The following FBXL7 variants were observed in gnomAD, a reference collection of about 807,000 sequenced individuals.
FBXL7 encodes F-box and leucine rich repeat protein 7.
In FBXL7, 12 loss-of-function variants were observed where a neutral mutation model predicts 38.3. That is an observed-to-expected ratio of 0.31 (90% CI 0.20 to 0.51). The LOEUF is 0.51. Among genes scored for constraint, FBXL7 ranks in the 20% least tolerant of loss-of-function variants. The probability of loss-of-function intolerance (pLI) is 0.98; values close to 1 mark genes in which losing one functional copy is unlikely to be tolerated. For synonymous variants in FBXL7, 297 were observed against 300.9 expected (o/e 0.99, Z 0.13); for missense variants, 567 against 676.4 (o/e 0.84, Z 1.79).
intron 2 of FBXL7, among the ~76,000 whole-genome samples, chr5:15,758,173 T>A (rs1561114840): frequency 6.6e-6 from 1 of 152,098 alleles, no homozygotes; most frequent in Non-Finnish European, 1.5e-5. Flanking sequence ...AATCGCCTCA[T>A]ATCTTACTAA....
chr5:15,931,955 A>T (rs1742048389), intron 3 of FBXL7, among the ~76,000 whole-genome samples: 1 of 152,192 alleles, frequency 6.6e-6, no homozygotes, highest in Non-Finnish European at 1.5e-5. Flanking sequence ...TTGGGTACAG[A>T]AAGCTAGAGC....
chr5:15,530,827 G>C (rs1057283590), intron 1 of FBXL7, among the ~76,000 whole-genome samples: 1 of 152,220 alleles, frequency 6.6e-6, no homozygotes, highest in South Asian at 2.1e-4. Context: ...TTTGGGGCCA[G>C]CTGGGGAAGC....
At chr5:15,591,480 T>G (rs1454329082) in intron 1 of FBXL7, among the ~76,000 whole-genome samples, 2 of 150,226 alleles carry the variant, frequency 1.3e-5, no homozygotes, top group Non-Finnish European at 1.5e-5. Flanking sequence ...GGCATTCAAG[T>G]AGAAATTGCA....
At chr5:15,883,472 G>T (rs573467813) in intron 2 of FBXL7, among the ~76,000 whole-genome samples, 1 of 152,228 alleles carries the variant, frequency 6.6e-6, no homozygotes, top group East Asian at 1.9e-4. Context: ...CTCATCACAA[G>T]TTTTATGCAT....
At chr5:15,507,806 G>A (rs1244971133) in intron 1 of FBXL7, among the ~76,000 whole-genome samples, 4 of 152,158 alleles carry the variant, frequency 2.6e-5, no homozygotes, top group Non-Finnish European at 5.9e-5. Flanking sequence ...CACTTTGGGA[G>A]GTTGAGGCAG....
chr5:15,507,665 G>C (rs906925731), intron 1 of FBXL7, among the ~76,000 whole-genome samples: 2 of 152,268 alleles, frequency 1.3e-5, no homozygotes, highest in Non-Finnish European at 2.9e-5. Flanking sequence ...TAAATTTCTT[G>C]AATGGATGAA....
chr5:15,748,316 T>C (rs16867675), intron 2 of FBXL7, among the ~76,000 whole-genome samples: 1,686 of 152,336 alleles, frequency 0.011, 30 homozygotes, highest in South Asian at 0.041. Context: ...TCCATGCTAA[T>C]GTTTCTCACC....
chr5:15,705,926 T>C lies in FBXL7; in HGVS notation c.127+89854T>C, dbSNP rs184911262. Reference sequence around the variant, plus strand: ...AAAAATGGAACATTGAAATAAAGAATAATAGTATTATACTAGAAAGGGTGA... The same window carrying C: ...AAAAATGGAACATTGAAATAAAGAACAATAGTATTATACTAGAAAGGGTGA... On this transcript the variant is annotated intron_variant, in intron 2 of 3. Coordinates refer to ENST00000504595, the MANE Select transcript of FBXL7 (RefSeq NM_012304.5). Among the ~76,000 whole-genome samples, 66 of 152,228 alleles carry C rather than the reference T, an allele frequency of 4.3e-4. 1 individual carries two copies. Among genetic ancestry groups the C allele is most frequent in the African/African-American group, 1.5e-3 (63 of 41,536 alleles).
Position 15,890,645 on chromosome 5 carries a change from G to T in FBXL7, c.128-37245G>T, listed in dbSNP as rs114108999. On this transcript the variant is annotated intron_variant, in intron 2 of 3. Coordinates refer to ENST00000504595, the MANE Select transcript of FBXL7 (RefSeq NM_012304.5). ...ACTCTAATTCCTGATGATCTGAGAT[G>T]GAAAAGTTTCATCCTGAAACCATCC... Among the ~76,000 whole-genome samples the T allele has an allele frequency of 7.2e-3, 1,098 of 152,208 alleles. 10 individuals carry two copies. Among genetic ancestry groups the T allele is most frequent in the African/African-American group, 0.024 (1,005 of 41,514 alleles).
chr5:15,868,835 C>T (rs1739829466), intron 2 of FBXL7, among the ~76,000 whole-genome samples: 3 of 152,202 alleles, frequency 2.0e-5, no homozygotes, highest in Admixed American at 2.0e-4. Context: ...AACCTCATCA[C>T]ATTCTAGTTC....
intron 2 of FBXL7, among the ~76,000 whole-genome samples, chr5:15,758,972 T>C (rs773318686): frequency 1.3e-5 from 2 of 152,184 alleles, no homozygotes; most frequent in Non-Finnish European, 2.9e-5. Context: ...AATACATGTC[T>C]TTAGAATAGC....
At chr5:15,854,883 C>CA (rs749107781) in intron 2 of FBXL7, among the ~76,000 whole-genome samples, 34 of 151,408 alleles carry the variant, frequency 2.2e-4, no homozygotes, top group Middle Eastern at 3.4e-3. Flanking sequence ...TCAGTCAAAC[C>CA]AAAAAAAACA....
At chr5:15,756,300 CA>C (rs1336350464) in intron 2 of FBXL7, among the ~76,000 whole-genome samples, 1 of 152,042 alleles carries the variant, frequency 6.6e-6, no homozygotes, top group African/African-American at 2.4e-5. Flanking sequence ...AGCAAAAAAG[CA>C]GCTAAGAAAA....
chr5:15,890,137 C>T (rs1475184132), intron 2 of FBXL7, among the ~76,000 whole-genome samples: 2 of 152,098 alleles, frequency 1.3e-5, no homozygotes, highest in African/African-American at 4.8e-5. Flanking sequence ...CAGACCACTA[C>T]CGGTCTGTGG....
intron 2 of FBXL7, among the ~76,000 whole-genome samples, chr5:15,818,743 T>TGTGTGTGA (rs1394101097): frequency 0.013 from 511 of 39,522 alleles, 2 homozygotes; most frequent in Non-Finnish European, 0.029. Context: ...TGTGTGTGTG[T>TGTGTGTGA]GAGAGAGAGA....
intron 1 of FBXL7, among the ~76,000 whole-genome samples, chr5:15,554,404 C>T (rs901445577): frequency 4.6e-5 from 7 of 152,210 alleles, no homozygotes; most frequent in African/African-American, 1.2e-4. Context: ...TAACTACCAA[C>T]TGTAAACACT....
chr5:15,802,000 G>A (rs764496961), intron 2 of FBXL7, among the ~76,000 whole-genome samples: 8 of 151,998 alleles, frequency 5.3e-5, no homozygotes, highest in Non-Finnish European at 8.8e-5. Context: ...GCTCACCTCA[G>A]TAGAACAAAG....
At chr5:15,504,754 A>G (rs1479636739) in intron 1 of FBXL7, among the ~76,000 whole-genome samples, 1 of 152,200 alleles carries the variant, frequency 6.6e-6, no homozygotes, top group Non-Finnish European at 1.5e-5. Flanking sequence ...GGGTGCTTCA[A>G]AGTCATTAGA....
chr5:15,678,057 T>C lies in FBXL7; in HGVS notation c.127+61985T>C, dbSNP rs149403381. Reference sequence around the variant, plus strand: ...CCCATATGTCCTTCTGTCTCCTGCATGGGAAATGAAGCTGTCTTTGCTGCC... The same window carrying C: ...CCCATATGTCCTTCTGTCTCCTGCACGGGAAATGAAGCTGTCTTTGCTGCC... On this transcript the variant is annotated intron_variant, in intron 2 of 3. Coordinates refer to ENST00000504595, the MANE Select transcript of FBXL7 (RefSeq NM_012304.5). Among the ~76,000 whole-genome samples the C allele has an allele frequency of 1.1e-3, 172 of 152,218 alleles. 1 individual carries two copies. The highest frequency in any genetic ancestry group is 4.1e-3 in the African/African-American group (169 of 41,538).
Sources: gnomAD v4.1 joint callset for allele counts (sites outside exome capture counted in the v4.1 genomes callset) on GRCh38, gnomAD v4.1.1 for gene constraint, MANE v1.5 for transcripts, NCBI Gene and HGNC (gene_info 2026-07-23, HGNC 2026-07-21) for gene names.